The following PRELID2 variants were observed in gnomAD, a reference collection of about 807,000 sequenced individuals.
PRELID2 encodes the protein PRELI domain containing 2.
Under a neutral mutation model 28.4 loss-of-function variants are expected in PRELID2, and 25 were observed. The observed-to-expected ratio is 0.88, with a 90% confidence interval of 0.64 to 1.23. The LOEUF (loss-of-function observed/expected upper bound fraction) is 1.23. PRELID2 is among the 50% of genes most tolerant of loss of function. The pLI is 0.00. For missense variants in PRELID2, 201 were observed against 214.4 expected (o/e 0.94, Z 0.39); for synonymous variants, 76 against 71.6 (o/e 1.06, Z -0.31).
At chr5:145,332,480 T>A in the PRELID2 span, among the ~76,000 whole-genome samples, 2 of 152,176 alleles carry the variant, frequency 1.3e-5, no homozygotes, top group African/African-American at 4.8e-5. Flanking sequence ...TATTCTTTTT[T>A]CTCTAATCCT....
At chr5:145,741,048 A>T (rs1488151940) in intron 1 of PRELID2, among the ~76,000 whole-genome samples, 1 of 118,202 alleles carries the variant, frequency 8.5e-6, no homozygotes, top group African/African-American at 3.4e-5. Flanking sequence ...TTGTATACAA[A>T]TAAAATATGT....
the PRELID2 span, among the ~76,000 whole-genome samples, chr5:145,392,928 A>G: frequency 6.6e-6 from 1 of 152,106 alleles, no homozygotes; most frequent in Admixed American, 6.5e-5. Context: ...GTCCTCAAAC[A>G]CTTTGTTTCT....
chr5:145,430,703 A>G, the PRELID2 span, among the ~76,000 whole-genome samples: 6 of 152,156 alleles, frequency 3.9e-5, no homozygotes, highest in South Asian at 1.0e-3. Context: ...TGTGGTATAT[A>G]TCCTCGCCCA....
At chr5:145,825,913 T>C in intron 1 of PRELID2, 1 of 458,936 alleles carries the variant, frequency 2.2e-6, no homozygotes, top group South Asian at 9.0e-5. Context: ...ATTCATGTTT[T>C]AATTCATGAA....
intron 5 of PRELID2, among the ~76,000 whole-genome samples, chr5:145,792,910 G>A (rs1225861617): frequency 2.6e-5 from 4 of 152,166 alleles, no homozygotes; most frequent in Non-Finnish European, 4.4e-5. Context: ...CCATTTTGCA[G>A]ACAATTAAAC....
chr5:145,746,269 C>T (rs1756989067), intron 1 of PRELID2, among the ~76,000 whole-genome samples: 1 of 152,072 alleles, frequency 6.6e-6, no homozygotes, highest in African/African-American at 2.4e-5. Context: ...TTCAGGAGAC[C>T]AATCTCACAT....
intron 1 of PRELID2, among the ~76,000 whole-genome samples, chr5:145,750,009 C>T (rs977837871): frequency 2.6e-5 from 4 of 151,594 alleles, no homozygotes; most frequent in Non-Finnish European, 5.9e-5. Flanking sequence ...TGGGTTGATA[C>T]GTGCAGCAAA....
the PRELID2 span, among the ~76,000 whole-genome samples, chr5:145,453,634 G>T: frequency 6.6e-6 from 1 of 151,922 alleles, no homozygotes; most frequent in Non-Finnish European, 1.5e-5. Context: ...ACCCTGACAG[G>T]CCCCAGTGTG....
chr5:145,809,907 A>T (rs1753813516), intron 4 of PRELID2, among the ~76,000 whole-genome samples: 1 of 152,210 alleles, frequency 6.6e-6, no homozygotes, highest in South Asian at 2.1e-4. Context: ...GTCAATTACT[A>T]AAACCAAATC....
At chr5:145,795,157 G>A (rs1752654034) in intron 5 of PRELID2, 1 of 152,060 alleles carries the variant, frequency 6.6e-6, no homozygotes, top group South Asian at 2.1e-4. Context: ...TAAGAAACAT[G>A]GCAATGAAAT....
At chr5:145,256,811 G>A in the PRELID2 span, among the ~76,000 whole-genome samples, 3 of 151,978 alleles carry the variant, frequency 2.0e-5, no homozygotes, top group African/African-American at 7.3e-5. Flanking sequence ...AAAAGTAGTT[G>A]AGGCTAAAAG....
intron 1 of PRELID2, among the ~76,000 whole-genome samples, chr5:145,584,996 T>C (rs1753140392): frequency 6.6e-6 from 1 of 152,190 alleles, no homozygotes; most frequent in Non-Finnish European, 1.5e-5. Flanking sequence ...GTATGTTCAC[T>C]GCAGCACTAT....
the PRELID2 span, among the ~76,000 whole-genome samples, chr5:145,388,720 A>T: frequency 6.6e-6 from 1 of 152,066 alleles, no homozygotes; most frequent in Non-Finnish European, 1.5e-5. Flanking sequence ...CTCGGTGTTA[A>T]ATCTGTCTTT....
intron 1 of PRELID2, among the ~76,000 whole-genome samples, chr5:145,663,147 G>A (rs192957488): frequency 8.6e-4 from 131 of 152,168 alleles, no homozygotes; most frequent in African/African-American, 3.1e-3. Flanking sequence ...AGAAGCCATG[G>A]ATCATTTTCT....
rs187021514 is a variant in PRELID2, at chr5:145,483,060, T to C, written n.71-9745A>G. Among the ~76,000 whole-genome samples the C allele has an allele frequency of 6.6e-5, 10 of 152,252 alleles. No individual in the cohort carries two copies. The East Asian group carries it at 1.9e-3, about 29-fold the overall frequency. On this transcript the variant is annotated intron_variant and non_coding_transcript_variant, in intron 1 of 2. Transcript: ENST00000510259. The stretch of plus-strand genomic sequence containing the variant: ...TCGAACAGTTTTCACAATTCACCTA[T>C]AAAATGGGGACTATTATTATCATCT...
chr5:145,411,950 G>A, the PRELID2 span, among the ~76,000 whole-genome samples: 1 of 152,146 alleles, frequency 6.6e-6, no homozygotes, highest in Non-Finnish European at 1.5e-5. Flanking sequence ...GCTGTACCTT[G>A]GCCCCTTTTA....
In PRELID2 at chr5:145,479,349, C is replaced by CA. The variant is rs528732366; in HGVS notation, n.71-6035dup. Reference sequence around the variant, plus strand: ...AGCCCATTTGCTTGACAACACACACCATACTCTTTCTAATTTCCTGGCCAT... The same window carrying CA: ...AGCCCATTTGCTTGACAACACACACCAATACTCTTTCTAATTTCCTGGCCAT... On this transcript the variant is annotated intron_variant and non_coding_transcript_variant, in intron 1 of 2. Coordinates refer to the PRELID2 transcript ENST00000510259. Among the ~76,000 whole-genome samples the CA allele has an allele frequency of 1.7e-3, 261 of 152,252 alleles. 1 individual carries two copies. The highest frequency in any genetic ancestry group is 5.8e-3 in the African/African-American group (239 of 41,544).
intron 1 of PRELID2, among the ~76,000 whole-genome samples, chr5:145,542,749 ATTTCTTTCTTTCTTTC>A (rs5871930): frequency 6.9e-6 from 1 of 145,196 alleles, no homozygotes; most frequent in Non-Finnish European, 1.5e-5. Context: ...ATACATTGTA[ATTTCTTTCTTTCTTTC>A]TTTCTTTCTT....
chr5:145,481,623 C>CAATTAAAAAAAAA (rs1752160271), intron 1 of PRELID2, among the ~76,000 whole-genome samples: 1 of 41,862 alleles, frequency 2.4e-5, no homozygotes, highest in Non-Finnish European at 3.8e-5. Context: ...GCAAGGAAAT[C>CAATTAAAAAAAAA]AAAAAAAAAA....
Sources: gnomAD v4.1 joint callset for allele counts (sites outside exome capture counted in the v4.1 genomes callset) on GRCh38, gnomAD v4.1.1 for gene constraint, MANE v1.5 for transcripts, NCBI Gene and HGNC (gene_info 2026-07-23, HGNC 2026-07-21) for gene names.